ZNF490: variants seen among roughly 807,000 people sequenced by gnomAD.
The protein encoded by ZNF490 is zinc finger protein 490.
A neutral mutation model predicts 17.7 loss-of-function variants in ZNF490; 11 were observed. That is an observed-to-expected ratio of 0.62 (90% confidence interval 0.39 to 1.03). ZNF490 has a LOEUF of 1.03. Among genes scored for constraint, ZNF490 ranks in the 50% least tolerant of loss-of-function variants. The probability of loss-of-function intolerance (pLI) is 0.00; values close to 1 mark genes in which losing one functional copy is unlikely to be tolerated. For synonymous variants in ZNF490, 222 were observed against 216.1 expected (o/e 1.03, Z -0.24); for missense variants, 542 against 643.4 (o/e 0.84, Z 1.71).
intron 2 of ZNF490, among the ~76,000 whole-genome samples, chr19:12,602,785 G>A (rs7253561): frequency 0.033 from 5,067 of 151,512 alleles, 172 homozygotes; most frequent in African/African-American, 0.08. Flanking sequence ...CCACCACGCC[G>A]GGCTAGTTTT....
chr19:12,605,077 C>T (rs2023052105), intron 2 of ZNF490, among the ~76,000 whole-genome samples: 1 of 151,664 alleles, frequency 6.6e-6, no homozygotes, highest in Non-Finnish European at 1.5e-5. Flanking sequence ...CATTTGAACC[C>T]TGGAGATGGA....
chr19:12,580,724 A>G lies in ZNF490; in HGVS notation c.1351T>C (p.Cys451Arg). The G allele has an allele frequency of 6.2e-7, 1 of 1,614,128 alleles. No homozygotes were observed. Among genetic ancestry groups the G allele is most frequent in the Non-Finnish European group, 8.5e-7 (1 of 1,180,018 alleles). Reference sequence around the variant, plus strand: ...CTGAAGTAAATGAAGACCCGACCACACTGTTTGCATTCATAGGGTTTCTCT... The same window carrying G: ...CTGAAGTAAATGAAGACCCGACCACGCTGTTTGCATTCATAGGGTTTCTCT... ...TREKPYECKQ[C>R]GRVFIYFSHL... The change falls in exon 5 of 5, where the codon TGT (cysteine) becomes CGT (arginine). Residue 451 changes from cysteine to arginine, a missense_variant. Physicochemically the swap from Cys to Arg is radical, Grantham distance 180. Coordinates refer to ENST00000311437, the MANE Select transcript of ZNF490 (RefSeq NM_020714.3).
In ZNF490 at chr19:12,578,213, G is replaced by A. The variant is rs2022671836; in HGVS notation, c.*2272C>T. The A allele has an allele frequency of 1.0e-6, 1 of 985,536 alleles. No individual in the cohort carries two copies. Among genetic ancestry groups the A allele is most frequent in the Non-Finnish European group, 1.2e-6 (1 of 830,004 alleles). The allele number at this position is 985,536 out of a possible 1,614,324, so 61.0% of individuals were successfully genotyped here. The stretch of plus-strand genomic sequence containing the variant: ...GAGCATCATCAGTGCATATGCCGCT[G>A]AATATCTCAGGGTAGAATGTGCCAG... On this transcript the variant is annotated 3_prime_UTR_variant, in exon 5 of 5. Coordinates refer to ENST00000311437, the MANE Select transcript of ZNF490 (RefSeq NM_020714.3).
intron 2 of ZNF490, among the ~76,000 whole-genome samples, chr19:12,595,371 C>A (rs1301304412): frequency 6.6e-6 from 1 of 152,066 alleles, no homozygotes; most frequent in Non-Finnish European, 1.5e-5. Context: ...TCTTAGCCTC[C>A]CAAAGTGTTT....
chr19:12,588,540 AC>A (rs2022829206), intron 2 of ZNF490, among the ~76,000 whole-genome samples: 1 of 152,156 alleles, frequency 6.6e-6, no homozygotes, highest in Admixed American at 6.6e-5. Context: ...TATTTCAATA[AC>A]CCCCAGCATT....
At chr19:12,599,139 C>CAAAAAAAAAAAAAAAAAAAAAAAGA (rs2022971981) in intron 2 of ZNF490, among the ~76,000 whole-genome samples, 2 of 68,632 alleles carry the variant, frequency 2.9e-5, no homozygotes, top group Non-Finnish European at 4.9e-5. Context: ...GACTCTGTCT[C>CAAAAAAAAAAAAAAAAAAAAAAAGA]AAAAAAAAAA....
At chr19:12,592,745 T>A (rs1385212619) in intron 2 of ZNF490, among the ~76,000 whole-genome samples, 1 of 152,230 alleles carries the variant, frequency 6.6e-6, no homozygotes, top group Admixed American at 6.5e-5. Context: ...ACATCACTTA[T>A]AACAGATGTA....
chr19:12,593,439 G>A (rs550729001), intron 2 of ZNF490, among the ~76,000 whole-genome samples: 5 of 151,908 alleles, frequency 3.3e-5, no homozygotes, highest in East Asian at 3.9e-4. Context: ...TAGTAGAGAC[G>A]GGGTTTCTCC....
chr19:12,603,279 G>A (rs1462528987), intron 2 of ZNF490, among the ~76,000 whole-genome samples: 1 of 152,008 alleles, frequency 6.6e-6, no homozygotes, highest in Non-Finnish European at 1.5e-5. Flanking sequence ...TTGAGCCCAG[G>A]AGTTCAAGAC....
In ZNF490 at chr19:12,581,118, C is replaced by T. The variant is rs771643755; in HGVS notation, c.957G>A (p.Thr319=). 1.1e-5 allele frequency: 18 copies of T among 1,613,836 alleles called. No homozygotes were observed. The highest frequency in any genetic ancestry group is 6.7e-5 in the African/African-American group (5 of 74,826). The change falls in exon 5 of 5, where the codon ACG becomes ACA. Residue 319 remains threonine, a synonymous_variant. Coordinates refer to ENST00000311437, the MANE Select transcript of ZNF490 (RefSeq NM_020714.3). The part of the protein sequence containing the change: ...KQCGKAFSCP[T]YLRSHEKTHT... ...GAGTTTTCTCATGACTCCGTAAGTA[C>T]GTGGGACAACTGAAGGCTTTCCCAC...
intron 2 of ZNF490, among the ~76,000 whole-genome samples, chr19:12,583,845 C>CT (rs2022780886): frequency 8.1e-6 from 1 of 123,618 alleles, no homozygotes; most frequent in Non-Finnish European, 1.6e-5. Flanking sequence ...CATTCTTGCT[C>CT]TGTCGCCCAG....
chr19:12,578,926 G>A lies in ZNF490; in HGVS notation c.*1559C>T. ...TCCCATATTGCTTACATTTAAGAAGGTGGCTCTCCAGTGTGGGTGGTTTCA... is the reference window on the plus strand; with the variant it reads ...TCCCATATTGCTTACATTTAAGAAGATGGCTCTCCAGTGTGGGTGGTTTCA... On this transcript the variant is annotated 3_prime_UTR_variant, in exon 5 of 5. Coordinates refer to ENST00000311437, the MANE Select transcript of ZNF490 (RefSeq NM_020714.3). The A allele has an allele frequency of 2.0e-6, 2 of 985,458 alleles. No individual in the cohort carries two copies. The highest frequency in any genetic ancestry group is 2.4e-6 in the Non-Finnish European group (2 of 829,964). The allele number at this position is 985,458 out of a possible 1,614,324, so 61.0% of individuals were successfully genotyped here.
In ZNF490 at chr19:12,603,667, C is replaced by T. The variant is rs10423784; in HGVS notation, c.162+5491G>A. ...AATAGCCAGATGTGGTGGCGTGCAC[C>T]TGTAGTCCCAGCTACTCAGGAGGCT... On this transcript the variant is annotated intron_variant, in intron 2 of 4. Coordinates refer to ENST00000311437, the MANE Select transcript of ZNF490 (RefSeq NM_020714.3). 8.6e-3 allele frequency among the ~76,000 whole-genome samples: 1,301 copies of T among 151,868 alleles called. 24 individuals are homozygous for T. The highest frequency in any genetic ancestry group is 0.03 in the African/African-American group (1,255 of 41,380).
intron 2 of ZNF490, among the ~76,000 whole-genome samples, chr19:12,605,297 C>T (rs2023054524): frequency 6.6e-6 from 1 of 152,070 alleles, no homozygotes; most frequent in African/African-American, 2.4e-5. Context: ...GCCTGGACAA[C>T]AGAGCGAGAC....
At chr19:12,596,243 C>T (rs10405093) in intron 2 of ZNF490, among the ~76,000 whole-genome samples, 2 of 101,812 alleles carry the variant, frequency 2.0e-5, no homozygotes, top group Admixed American at 1.3e-4. Flanking sequence ...CCAGTCTGGG[C>T]GACAGAGAAA....
chr19:12,598,839 T>G (rs1373299747), intron 2 of ZNF490, among the ~76,000 whole-genome samples: 2 of 151,256 alleles, frequency 1.3e-5, no homozygotes, highest in African/African-American at 4.9e-5. Context: ...ATACAAAAAT[T>G]AGCTAGGCAT....
At chr19:12,605,095 G>A (rs2023052376) in intron 2 of ZNF490, among the ~76,000 whole-genome samples, 1 of 152,180 alleles carries the variant, frequency 6.6e-6, no homozygotes, top group Non-Finnish European at 1.5e-5. Context: ...GGAGGTTGCA[G>A]TGAGCCAAGA....
At chr19:12,600,053 T>C (rs1373897115) in intron 2 of ZNF490, among the ~76,000 whole-genome samples, 1 of 152,160 alleles carries the variant, frequency 6.6e-6, no homozygotes. Flanking sequence ...TAAATATGTC[T>C]ATAAGGTTTT....
In ZNF490 at chr19:12,581,199, A is replaced by T; in HGVS notation, c.876T>A (p.Pro292=). Residue 292 remains proline (P), a synonymous_variant, in exon 5 of 5, where the codon CCT becomes CCA. Coordinates refer to ENST00000311437, the MANE Select transcript of ZNF490 (RefSeq NM_020714.3). The part of the protein sequence containing the change: ...QCGKAFIYYQ[P]FLTHERTHTG... Reference sequence around the variant, plus strand: ...TGTGAGTCCTTTCGTGGGTTAGAAAAGGCTGGTAATATATAAAGGCTTTTC... The same window carrying T: ...TGTGAGTCCTTTCGTGGGTTAGAAATGGCTGGTAATATATAAAGGCTTTTC... 1 of 1,610,460 alleles carries T rather than the reference A, an allele frequency of 6.2e-7. No homozygotes were observed. Among genetic ancestry groups the T allele is most frequent in the Non-Finnish European group, 8.5e-7 (1 of 1,177,000 alleles).
Sources: allele counts gnomAD v4.1 joint callset (sites outside exome capture counted in the v4.1 genomes callset), GRCh38; gene constraint gnomAD v4.1.1; transcripts MANE v1.5; gene names NCBI Gene and HGNC (gene_info 2026-07-23, HGNC 2026-07-21).